GALNT13: variants seen among roughly 807,000 people sequenced by gnomAD.
The protein encoded by GALNT13 is UDP-GalNAc:polypeptide N-acetylgalactosaminyltransferase 13.
In GALNT13, 28 loss-of-function variants were observed where a neutral mutation model predicts 64.2. The observed-to-expected ratio is 0.44, with a 90% CI of 0.32 to 0.60. GALNT13 has a LOEUF of 0.60. Ranked by LOEUF, GALNT13 falls within the 20% of genes least tolerant of loss-of-function variation. GALNT13 has a pLI of 0.05. For synonymous variants in GALNT13, 214 were observed against 224.6 expected (o/e 0.95, Z 0.42); for missense variants, 577 against 669.8 (o/e 0.86, Z 1.53).
chr2:154,171,645 G>A (rs945566791), intron 4 of GALNT13, among the ~76,000 whole-genome samples: 10 of 152,060 alleles, frequency 6.6e-5, no homozygotes, highest in Admixed American at 5.9e-4. Flanking sequence ...TGAAGTCCCT[G>A]ACTCTGAAAT....
chr2:154,207,606 A>T (rs1687535859), intron 4 of GALNT13, among the ~76,000 whole-genome samples: 1 of 152,216 alleles, frequency 6.6e-6, no homozygotes, highest in South Asian at 2.1e-4. Context: ...CCATATTAAT[A>T]GTAATTTGTT....
the GALNT13 span, among the ~76,000 whole-genome samples, chr2:153,403,423 A>G: frequency 6.6e-6 from 1 of 152,168 alleles, no homozygotes; most frequent in African/African-American, 2.4e-5. Flanking sequence ...CTACAGAGGC[A>G]GGCAGGCCTC....
the GALNT13 span, among the ~76,000 whole-genome samples, chr2:153,173,980 G>T: frequency 6.6e-6 from 1 of 152,140 alleles, no homozygotes; most frequent in Non-Finnish European, 1.5e-5. Flanking sequence ...AAGGGTCATG[G>T]GTCTCAAGCA....
intron 3 of GALNT13, among the ~76,000 whole-genome samples, chr2:153,969,584 G>T (rs1417767685): frequency 6.6e-6 from 1 of 151,580 alleles, no homozygotes; most frequent in Non-Finnish European, 1.5e-5. Context: ...TGCTTTTATT[G>T]TCTGAATTTA....
intron 3 of GALNT13, among the ~76,000 whole-genome samples, chr2:153,972,806 G>A (rs1693830709): frequency 6.6e-6 from 1 of 151,970 alleles, no homozygotes; most frequent in Non-Finnish European, 1.5e-5. Flanking sequence ...TTAATGAAGT[G>A]GAACTTACTA....
the GALNT13 span, among the ~76,000 whole-genome samples, chr2:153,614,604 G>C: frequency 9.2e-5 from 14 of 151,986 alleles, no homozygotes; most frequent in East Asian, 2.7e-3. Context: ...AAGACTATTT[G>C]GAACTTTTTT....
At chr2:153,579,015 A>G in the GALNT13 span, among the ~76,000 whole-genome samples, 2 of 152,206 alleles carry the variant, frequency 1.3e-5, no homozygotes, top group African/African-American at 4.8e-5. Flanking sequence ...CCCAGTAAGA[A>G]CTTAAACTTT....
chr2:153,485,003 A>G, the GALNT13 span, among the ~76,000 whole-genome samples: 5 of 152,198 alleles, frequency 3.3e-5, no homozygotes, highest in Admixed American at 1.3e-4. Flanking sequence ...CTTGAGCACC[A>G]AGAGTTATGA....
intron 8 of GALNT13, among the ~76,000 whole-genome samples, chr2:154,299,062 TA>T (rs1011473517): frequency 1.2e-4 from 17 of 147,504 alleles, no homozygotes; most frequent in Non-Finnish European, 1.9e-4. Flanking sequence ...AAAATGTAGA[TA>T]AAATATATAT....
chr2:154,310,736 G>A (rs543548056), intron 9 of GALNT13, among the ~76,000 whole-genome samples: 25 of 152,096 alleles, frequency 1.6e-4, no homozygotes, highest in Middle Eastern at 3.4e-3. Flanking sequence ...GAGCACTGGA[G>A]GCAGACTACC....
intron 12 of GALNT13, among the ~76,000 whole-genome samples, chr2:154,441,372 A>G (rs1701287644): frequency 6.6e-6 from 1 of 152,156 alleles, no homozygotes; most frequent in South Asian, 2.1e-4. Context: ...ACTGCTTACT[A>G]CTTTAACTCA....
At chr2:154,237,241 C>T (rs1388862918) in intron 4 of GALNT13, among the ~76,000 whole-genome samples, 1 of 151,724 alleles carries the variant, frequency 6.6e-6, no homozygotes, top group East Asian at 1.9e-4. Context: ...GAATGTCTAC[C>T]ATACATTTCA....
chr2:153,473,936 G>A, the GALNT13 span, among the ~76,000 whole-genome samples: 1 of 152,260 alleles, frequency 6.6e-6, no homozygotes, highest in East Asian at 1.9e-4. Context: ...CAGTACAATG[G>A]GCTTTACTTT....
rs902200061 is a variant in GALNT13 at position 154,395,542 on chromosome 2, G to A, written c.1157-449G>A. Among the ~76,000 whole-genome samples the A allele has an allele frequency of 1.3e-4, 20 of 152,146 alleles. 1 individual carries two copies. The highest frequency in any genetic ancestry group is 7.9e-4 in the Admixed American group (12 of 15,280). On this transcript the variant is annotated intron_variant, in intron 9 of 12. Coordinates refer to ENST00000392825, the MANE Select transcript of GALNT13 (RefSeq NM_052917.4). The stretch of plus-strand genomic sequence containing the variant: ...AAAGAACATATGTACAGTCTATTAC[G>A]TGAATTATTCTATATAAATTTCGTA...
the GALNT13 span, among the ~76,000 whole-genome samples, chr2:153,217,023 A>G: frequency 6.6e-6 from 1 of 151,986 alleles, no homozygotes; most frequent in Non-Finnish European, 1.5e-5. Flanking sequence ...TTTTTTGTGC[A>G]TATGAATAGC....
At chr2:153,256,995 C>T in the GALNT13 span, among the ~76,000 whole-genome samples, 112 of 152,352 alleles carry the variant, frequency 7.4e-4, no homozygotes, top group African/African-American at 2.1e-3. Flanking sequence ...TCGAGCTTCC[C>T]GGCTACTTTG....
intron 8 of GALNT13, among the ~76,000 whole-genome samples, chr2:154,284,551 A>G (rs1014166047): frequency 4.0e-5 from 6 of 151,446 alleles, no homozygotes; most frequent in African/African-American, 1.5e-4. Context: ...ACACACACAC[A>G]TATATATGTA....
chr2:154,220,188 C>T (rs763721398), intron 4 of GALNT13, among the ~76,000 whole-genome samples: 50 of 152,108 alleles, frequency 3.3e-4, no homozygotes, highest in African/African-American at 1.0e-3. Context: ...ATCATGTTGA[C>T]GCAATTTCCC....
chr2:153,880,244 G>A (rs55669623), intron 1 of GALNT13, among the ~76,000 whole-genome samples: 1 of 151,988 alleles, frequency 6.6e-6, no homozygotes, highest in Admixed American at 6.6e-5. Flanking sequence ...TGGAATATTT[G>A]TAATTTATAA....
Sources: gnomAD v4.1 joint callset for allele counts (sites outside exome capture counted in the v4.1 genomes callset) on GRCh38, gnomAD v4.1.1 for gene constraint, MANE v1.5 for transcripts, NCBI Gene and HGNC (gene_info 2026-07-23, HGNC 2026-07-21) for gene names.